Variants in RBPMS observed in about 807,000 individuals in gnomAD.
RBPMS encodes RNA-binding protein with multiple splicing.
RBPMS carries 7 observed loss-of-function variants against 26.8 expected under a neutral mutation model. The ratio of observed to expected loss-of-function variants is 0.26; its 90% CI spans 0.15 to 0.49. RBPMS has a LOEUF of 0.49. Ranked by LOEUF, RBPMS falls within the 20% of genes least tolerant of loss-of-function variation. The pLI, the probability that RBPMS is intolerant of heterozygous loss-of-function variation, is 0.98. For synonymous variants in RBPMS, 96 were observed against 93.3 expected, an observed-to-expected ratio of 1.03 and a Z score of -0.17; for missense variants, 186 against 250.0, an observed-to-expected ratio of 0.74 and a Z score of 1.73.
Position 30,530,917 on chromosome 8 carries a change from G to C in RBPMS, c.398-13577G>C, listed in dbSNP as rs572859878. Among the ~76,000 whole-genome samples, 16 of 152,184 alleles carry C rather than the reference G, an allele frequency of 1.1e-4. No individual in the cohort carries two copies. The South Asian group carries it at 3.1e-3, about 30-fold the overall frequency. On this transcript the variant is annotated intron_variant, in intron 5 of 8. Transcript: ENST00000397323. ...TAAGTGACCAGGGACTTCAAACCTA[G>C]ATCTACCTACCAAAACATTATACCA... is the stretch of plus-strand genomic sequence containing the variant.
chr8:30,385,423 A>G (rs1309283565), intron 1 of RBPMS: 8 of 329,940 alleles, frequency 2.4e-5, no homozygotes, highest in Non-Finnish European at 4.4e-5. Flanking sequence ...TTTGCCCGGG[A>G]TTTATAAGTG....
At chr8:30,521,650 A>G (rs1281896562) in intron 5 of RBPMS, among the ~76,000 whole-genome samples, 1 of 152,140 alleles carries the variant, frequency 6.6e-6, no homozygotes, top group Non-Finnish European at 1.5e-5. Context: ...TGTGGGCATA[A>G]TGTCCTCCAT....
At chr8:30,452,606 C>A (rs1019008809) in intron 1 of RBPMS, among the ~76,000 whole-genome samples, 3 of 152,144 alleles carry the variant, frequency 2.0e-5, no homozygotes, top group Admixed American at 2.0e-4. Context: ...TTGTGTGGTT[C>A]ATGTAATTCT....
intron 4 of RBPMS, among the ~76,000 whole-genome samples, chr8:30,495,883 A>C (rs563673447): frequency 3.0e-4 from 45 of 152,266 alleles, no homozygotes; most frequent in Non-Finnish European, 6.0e-4. Flanking sequence ...TTTATAAAAG[A>C]AAAATCTTCA....
intron 1 of RBPMS, among the ~76,000 whole-genome samples, chr8:30,415,237 T>C (rs549184599): frequency 1.3e-5 from 2 of 152,288 alleles, no homozygotes; most frequent in South Asian, 4.2e-4. Flanking sequence ...AATTCTACTT[T>C]CCAAATATCT....
rs190281549 is a variant in RBPMS, at chr8:30,478,523, C to T, written c.183+686C>T. ...ATGATTTTTTTTTTTTTTTTTGAGA[C>T]GGAGTCTCACTATGTTGCCAGGCTG... is the stretch of plus-strand genomic sequence containing the variant. On this transcript the variant is annotated intron_variant, in intron 3 of 8. Transcript: ENST00000397323. Among the ~76,000 whole-genome samples, 199 of 141,788 alleles carry T rather than the reference C, an allele frequency of 1.4e-3. 2 individuals carry two copies. Among genetic ancestry groups the T allele is most frequent in the African/African-American group, 4.9e-3 (184 of 37,902 alleles). The allele number at this position is 141,788 out of a possible 152,430, so 93.0% of individuals were successfully genotyped here.
chr8:30,518,630 G>A lies in RBPMS; in HGVS notation c.397+14194G>A, dbSNP rs919692968. On this transcript the variant is annotated intron_variant, in intron 5 of 8. Transcript: ENST00000397323. ...TTTAGTAGAGATGGGGTTTCACCAT[G>A]TTGGCCAGGCTGGTCTTGAACTCCT... Among the ~76,000 whole-genome samples the A allele has an allele frequency of 2.2e-5, 3 of 138,050 alleles. No homozygotes were observed. In the Admixed American group the frequency reaches 2.4e-4, roughly 11 times the overall value. 90.6% of individuals were successfully genotyped at this position (138,050 alleles called of 152,430 possible).
chr8:30,389,865 G>A (rs1173928325), intron 1 of RBPMS, among the ~76,000 whole-genome samples: 2 of 152,046 alleles, frequency 1.3e-5, no homozygotes, highest in Admixed American at 1.3e-4. Flanking sequence ...TCTGTGTTCT[G>A]GAGGTTAGAA....
chr8:30,503,277 G>A (rs1483465417), intron 4 of RBPMS, among the ~76,000 whole-genome samples: 1 of 152,124 alleles, frequency 6.6e-6, no homozygotes, highest in Non-Finnish European at 1.5e-5. Flanking sequence ...TTGAGACAGA[G>A]TCTAGCTCTG....
At chr8:30,551,764 T>C (rs1464297592) in intron 6 of RBPMS, among the ~76,000 whole-genome samples, 2 of 152,190 alleles carry the variant, frequency 1.3e-5, no homozygotes, top group Non-Finnish European at 2.9e-5. Flanking sequence ...CTCAGTTTTT[T>C]AAATCAAACA....
chr8:30,386,265 C>T (rs573373872), intron 1 of RBPMS, among the ~76,000 whole-genome samples: 1 of 152,282 alleles, frequency 6.6e-6, no homozygotes, highest in African/African-American at 2.4e-5. Context: ...AACTTCAATT[C>T]TGATAGTGAA....
At chr8:30,423,023 G>T (rs1258219601) in intron 1 of RBPMS, among the ~76,000 whole-genome samples, 1 of 152,152 alleles carries the variant, frequency 6.6e-6, no homozygotes, top group Non-Finnish European at 1.5e-5. Flanking sequence ...TCCCAAGTGG[G>T]GTTGAGAACC....
chr8:30,543,024 T>C (rs1339057841), intron 5 of RBPMS, among the ~76,000 whole-genome samples: 14 of 152,352 alleles, frequency 9.2e-5, no homozygotes, highest in Non-Finnish European at 1.8e-4. Context: ...GCAGTCTGTC[T>C]TTCTATCACC....
chr8:30,498,380 C>T (rs1225371600), intron 4 of RBPMS, among the ~76,000 whole-genome samples: 1 of 152,074 alleles, frequency 6.6e-6, no homozygotes, highest in African/African-American at 2.4e-5. Flanking sequence ...AGTGGGTTAG[C>T]AGAAAGATGA....
intron 1 of RBPMS, among the ~76,000 whole-genome samples, chr8:30,473,661 A>G (rs555266685): frequency 2.0e-5 from 3 of 152,328 alleles, no homozygotes; most frequent in Non-Finnish European, 2.9e-5. Context: ...TCATTGCAGC[A>G]CTATTCACAA....
At chr8:30,387,226 G>C (rs895026137) in intron 1 of RBPMS, 2 of 152,180 alleles carry the variant, frequency 1.3e-5, no homozygotes, top group Non-Finnish European at 2.9e-5. Context: ...AGTTGTCCAA[G>C]AGAGATGTCG....
chr8:30,474,576 C>T (rs1267768206), intron 1 of RBPMS, among the ~76,000 whole-genome samples: 1 of 152,086 alleles, frequency 6.6e-6, no homozygotes. Flanking sequence ...CAGAAGGCTG[C>T]ATCTCCCCTA....
intron 6 of RBPMS, among the ~76,000 whole-genome samples, chr8:30,557,487 C>G (rs1036869753): frequency 6.6e-6 from 1 of 152,248 alleles, no homozygotes; most frequent in East Asian, 1.9e-4. Flanking sequence ...GGTGCCCACA[C>G]CTGTAAAACA....
At chr8:30,482,484 T>G (rs1002599994) in intron 4 of RBPMS, among the ~76,000 whole-genome samples, 1 of 152,220 alleles carries the variant, frequency 6.6e-6, no homozygotes, top group African/African-American at 2.4e-5. Context: ...GTGATTAGTC[T>G]TTTCTCAAAA....
Sources: allele counts gnomAD v4.1 joint callset (sites outside exome capture counted in the v4.1 genomes callset), GRCh38; gene constraint gnomAD v4.1.1; transcripts MANE v1.5; gene names NCBI Gene and HGNC (gene_info 2026-07-23, HGNC 2026-07-21).